Variants in SATL1 observed in about 807,000 individuals in gnomAD.
SATL1 encodes the protein spermidine/spermine N1-acetyl transferase like 1.
SATL1 carries 47 observed loss-of-function variants against 51.8 expected under a neutral mutation model. The observed-to-expected ratio is 0.91, with a 90% CI of 0.72 to 1.16. The LOEUF is 1.16. Ranked by LOEUF, SATL1 falls within the 50% of genes most tolerant of loss-of-function variation. The pLI is 0.00. For synonymous variants in SATL1, 176 were observed against 182.4 expected, an observed-to-expected ratio of 0.97 and a Z score of 0.28; for missense variants, 520 against 526.4, an observed-to-expected ratio of 0.99 and a Z score of 0.12.
chrX:85,236,023 G>A (rs1928474242), intron 1 of SATL1, among the ~76,000 whole-genome samples: 1 of 111,186 alleles, frequency 9.0e-6, no homozygotes, highest in African/African-American at 3.3e-5. Flanking sequence ...TAATTCCACA[G>A]AAATTAAAAT....
rs182538668 is a variant in SATL1 at position 85,095,995 on chromosome X, A to G, written c.1694-999T>C. Among the ~76,000 whole-genome samples the G allele has an allele frequency of 1.6e-3, 179 of 110,709 alleles. 1 individual carries two copies. The highest frequency in any genetic ancestry group is 4.6e-3 in the Middle Eastern group (1 of 216). ...ATCTGATTTCCAGAGTTACCATAGT[A>G]TAAGTTTCAAATGTCTAGCTTTCAA... On this transcript the variant is annotated intron_variant, in intron 4 of 7. Coordinates refer to ENST00000644105, the MANE Select transcript of SATL1 (RefSeq NM_001367857.2).
At chrX:85,221,747 G>C (rs1190966153) in intron 2 of SATL1, among the ~76,000 whole-genome samples, 1 of 112,372 alleles carries the variant, frequency 8.9e-6, no homozygotes, top group Non-Finnish European at 1.9e-5. Flanking sequence ...AGTTTTCTGT[G>C]AATGTCACAT....
intron 3 of SATL1, among the ~76,000 whole-genome samples, chrX:85,106,921 C>T (rs1925057500): frequency 9.0e-6 from 1 of 111,346 alleles, no homozygotes; most frequent in Admixed American, 9.6e-5. Context: ...ATCCTAGCCA[C>T]TAAAATATGA....
At chrX:85,129,194 G>A (rs770354240) in intron 2 of SATL1, among the ~76,000 whole-genome samples, 1 of 111,952 alleles carries the variant, frequency 8.9e-6, no homozygotes, top group East Asian at 2.8e-4. Flanking sequence ...AAAGTTATTG[G>A]TAGCTTGATG....
chrX:85,152,331 G>A (rs1475916603), intron 2 of SATL1, among the ~76,000 whole-genome samples: 1 of 111,413 alleles, frequency 9.0e-6, no homozygotes, highest in East Asian at 2.8e-4. Context: ...GTGCTGGAGA[G>A]GATGTGGAGA....
chrX:85,179,638 T>A lies in SATL1; in HGVS notation c.-313+44567A>T, dbSNP rs566778387. 1.1e-4 allele frequency among the ~76,000 whole-genome samples: 12 copies of A among 111,305 alleles called. No individual in the cohort carries two copies. The South Asian group carries it at 3.7e-3, about 34-fold the overall frequency. On this transcript the variant is annotated intron_variant, in intron 2 of 7. Transcript: ENST00000644105. ...ATGCAATAGGAATAAGGTAATGGAGTAGAGAAGAACTAACATATATTGAGC... is the reference window on the plus strand; with the variant it reads ...ATGCAATAGGAATAAGGTAATGGAGAAGAGAAGAACTAACATATATTGAGC...
intron 2 of SATL1, chrX:85,211,676 G>A (rs1336859486): frequency 2.7e-5 from 3 of 111,163 alleles, no homozygotes; most frequent in East Asian, 2.8e-4. Context: ...TGACTGAAAC[G>A]TATCTTCAAT....
At chrX:85,232,726 A>T (rs7059145) in intron 1 of SATL1, among the ~76,000 whole-genome samples, 2,412 of 111,076 alleles carry the variant, frequency 0.022, 66 homozygotes, top group African/African-American at 0.075. Context: ...GAAAAGGGAA[A>T]AGTGTATATG....
intron 2 of SATL1, among the ~76,000 whole-genome samples, chrX:85,121,835 T>C (rs1465577128): frequency 2.7e-5 from 3 of 109,384 alleles, no homozygotes; most frequent in African/African-American, 1.0e-4. Context: ...ATGTATAATA[T>C]ACTTGAAAAT....
intron 1 of SATL1, among the ~76,000 whole-genome samples, chrX:85,239,106 C>T (rs1928534997): frequency 9.2e-6 from 1 of 108,871 alleles, no homozygotes; most frequent in South Asian, 3.9e-4. Context: ...GTTCTTACCA[C>T]GATTAATAAA....
At chrX:85,167,361 T>C (rs1926865742) in intron 2 of SATL1, among the ~76,000 whole-genome samples, 1 of 109,284 alleles carries the variant, frequency 9.2e-6, no homozygotes, top group Non-Finnish European at 1.9e-5. Context: ...AACTTATACA[T>C]GTAACCAAAC....
chrX:85,131,788 A>G (rs1020084338), intron 2 of SATL1, among the ~76,000 whole-genome samples: 2 of 111,306 alleles, frequency 1.8e-5, no homozygotes, highest in East Asian at 5.6e-4. Flanking sequence ...GGCTGGTACC[A>G]GTTGTTCCTT....
In SATL1 at chrX:85,231,405, AT is replaced by A. The variant is rs754167879; in HGVS notation, c.-434-7080del. Among the ~76,000 whole-genome samples the A allele has an allele frequency of 1.2e-4, 14 of 112,047 alleles. No homozygotes were observed. In the East Asian group the frequency reaches 3.4e-3, roughly 27 times the overall value. Reference sequence around the variant, plus strand: ...GATGGCCAAATAGAAGATTCCAGTAATCATCCTCCCTGTGGGAACACCAAAT... The same window carrying A: ...GATGGCCAAATAGAAGATTCCAGTAACATCCTCCCTGTGGGAACACCAAAT... On this transcript the variant is annotated intron_variant, in intron 1 of 7. Transcript: ENST00000644105.
intron 2 of SATL1, among the ~76,000 whole-genome samples, chrX:85,166,336 A>G (rs1178605980): frequency 8.9e-6 from 1 of 112,192 alleles, no homozygotes; most frequent in Admixed American, 9.5e-5. Flanking sequence ...CAGCAAACAG[A>G]CAACCAACAG....
intron 2 of SATL1, among the ~76,000 whole-genome samples, chrX:85,137,298 C>A (rs186652296): frequency 9.0e-6 from 1 of 111,467 alleles, no homozygotes; most frequent in East Asian, 2.8e-4. Flanking sequence ...TAGTGAAAGT[C>A]TGAAATAGTA....
rs1928230690 is a variant in SATL1, at chrX:85,224,259, G to A, written c.-367C>T. On this transcript the variant is annotated 5_prime_UTR_variant, in exon 2 of 8. Coordinates refer to ENST00000644105, the MANE Select transcript of SATL1 (RefSeq NM_001367857.2). ...TCTTGGCTTGTAGCCACACCACTGT[G>A]ATCTCTGCCTCCCTTTTCACATCAT... 1 of 109,690 alleles carries A rather than the reference G, an allele frequency of 9.1e-6. No homozygotes were observed. Among genetic ancestry groups the A allele is most frequent in the Non-Finnish European group, 1.9e-5 (1 of 52,477 alleles). 9.0% of individuals were successfully genotyped at this position (109,690 alleles called of 1,213,427 possible).
intron 4 of SATL1, among the ~76,000 whole-genome samples, chrX:85,099,102 A>C (rs2147683450): frequency 8.9e-6 from 1 of 111,747 alleles, no homozygotes; most frequent in Non-Finnish European, 1.9e-5. Context: ...TGCCAACACT[A>C]CAACATTAAA....
Position 85,206,935 on chromosome X carries a change from T to C in SATL1, c.-313+17270A>G, listed in dbSNP as rs1343867814. ...GTTTATTCACAGCAGAGTGTATTAA[T>C]ACAGAGGCAGATAGGTTGGTAAATT... On this transcript the variant is annotated intron_variant, in intron 2 of 7. Coordinates refer to ENST00000644105, the MANE Select transcript of SATL1 (RefSeq NM_001367857.2). Among the ~76,000 whole-genome samples the C allele has an allele frequency of 4.5e-5, 5 of 111,389 alleles. No individual in the cohort carries two copies. The East Asian group carries it at 1.4e-3, about 32-fold the overall frequency.
At chrX:85,237,423 G>A (rs1928502263) in intron 1 of SATL1, among the ~76,000 whole-genome samples, 1 of 111,006 alleles carries the variant, frequency 9.0e-6, no homozygotes, top group Non-Finnish European at 1.9e-5. Context: ...CACCTACACT[G>A]AATTCATTTT....
Sources: allele counts gnomAD v4.1 joint callset (sites outside exome capture counted in the v4.1 genomes callset), GRCh38; gene constraint gnomAD v4.1.1; transcripts MANE v1.5; gene names NCBI Gene and HGNC (gene_info 2026-07-23, HGNC 2026-07-21).